The following ZNF609 variants were observed in gnomAD, a reference collection of about 807,000 sequenced individuals.
The protein encoded by ZNF609 is zinc finger protein 609.
Under a neutral mutation model 109.5 loss-of-function variants are expected in ZNF609, and 11 were observed. That is an observed-to-expected ratio of 0.10 (90% CI 0.06 to 0.17). ZNF609 has a LOEUF of 0.17. ZNF609 is among the 10% of genes least tolerant of loss of function. ZNF609 has a pLI of 1.00. For synonymous variants in ZNF609, 646 were observed against 662.0 expected, an observed-to-expected ratio of 0.98 and a Z score of 0.37; for missense variants, 1,559 against 1,772.4, an observed-to-expected ratio of 0.88 and a Z score of 2.16.
At chr15:64,666,997 A>T (rs190456477) in intron 3 of ZNF609, among the ~76,000 whole-genome samples, 86 of 152,030 alleles carry the variant, frequency 5.7e-4, no homozygotes, top group Non-Finnish European at 1.1e-3. Context: ...GGGTGTGGTG[A>T]TGTGCGCCTC....
At chr15:64,491,260 T>C (rs1388841040) in intron 1 of ZNF609, among the ~76,000 whole-genome samples, 1 of 152,180 alleles carries the variant, frequency 6.6e-6, no homozygotes, top group Non-Finnish European at 1.5e-5. Flanking sequence ...ATGCCTGTTT[T>C]TATAGTTGGG....
chr15:64,617,547 T>C (rs182383677), intron 2 of ZNF609, among the ~76,000 whole-genome samples: 2 of 151,914 alleles, frequency 1.3e-5, no homozygotes, highest in Admixed American at 6.6e-5. Context: ...TGGGATGCTG[T>C]GGCGGTTGGA....
intron 2 of ZNF609, among the ~76,000 whole-genome samples, chr15:64,621,017 ACTAGACTAAGAAGTCTATTAAAGGAC>A (rs1567031451): frequency 6.6e-6 from 1 of 152,218 alleles, no homozygotes; most frequent in Non-Finnish European, 1.5e-5. Flanking sequence ...CTATTAAAGG[ACTAGACTAAGAAGTCTATTAAAGGAC>A]CTAGACTAAG....
At chr15:64,680,396 AG>A in intron 7 of ZNF609, 36 bp downstream of exon 7, 2 of 1,607,532 alleles carry the variant, frequency 1.2e-6, no homozygotes, top group South Asian at 2.2e-5. Context: ...TGTTACCCAA[AG>A]ACTAGTAAGG....
chr15:64,548,149 A>G (rs1427739927), intron 2 of ZNF609, among the ~76,000 whole-genome samples: 1 of 152,216 alleles, frequency 6.6e-6, no homozygotes, highest in East Asian at 1.9e-4. Flanking sequence ...CCTCAACCAC[A>G]AAAGATCTAA....
At chr15:64,533,601 C>T (rs1337252678) in intron 2 of ZNF609, among the ~76,000 whole-genome samples, 1 of 152,230 alleles carries the variant, frequency 6.6e-6, no homozygotes, top group Non-Finnish European at 1.5e-5. Flanking sequence ...GTTCATCCCC[C>T]TCCTTGTGGG....
chr15:64,485,999 C>A (rs187461091), intron 1 of ZNF609, among the ~76,000 whole-genome samples: 1 of 152,114 alleles, frequency 6.6e-6, no homozygotes, highest in Non-Finnish European at 1.5e-5. Context: ...CATGTAGAGT[C>A]ATACTATTTT....
intron 3 of ZNF609, among the ~76,000 whole-genome samples, chr15:64,630,674 G>A (rs887133314): frequency 2.0e-5 from 3 of 151,290 alleles, no homozygotes; most frequent in African/African-American, 7.3e-5. Flanking sequence ...CACCGTGTTA[G>A]CCAGGCTTAT....
chr15:64,544,181 A>T (rs1196964849), intron 2 of ZNF609, among the ~76,000 whole-genome samples: 1 of 152,184 alleles, frequency 6.6e-6, no homozygotes, highest in Non-Finnish European at 1.5e-5. Flanking sequence ...TCTATTAAAA[A>T]ATACAAAAAT....
chr15:64,644,834 A>G (rs1896306735), intron 3 of ZNF609, among the ~76,000 whole-genome samples: 1 of 152,218 alleles, frequency 6.6e-6, no homozygotes, highest in African/African-American at 2.4e-5. Flanking sequence ...AAGTCACATT[A>G]TAATAAGAAG....
At chr15:64,651,112 T>C (rs1462584923) in intron 3 of ZNF609, among the ~76,000 whole-genome samples, 2 of 152,118 alleles carry the variant, frequency 1.3e-5, no homozygotes, top group African/African-American at 2.4e-5. Context: ...TAAACATATA[T>C]ATACATATAT....
chr15:64,670,628 C>A (rs1189422002), intron 4 of ZNF609, among the ~76,000 whole-genome samples, 195 bp downstream of exon 4: 2 of 150,522 alleles, frequency 1.3e-5, no homozygotes, highest in African/African-American at 4.9e-5. Flanking sequence ...CCTGTAATCC[C>A]AGCACTTTGG....
intron 1 of ZNF609, among the ~76,000 whole-genome samples, chr15:64,494,384 T>C (rs1893453769): frequency 1.3e-5 from 2 of 152,202 alleles, no homozygotes; most frequent in African/African-American, 2.4e-5. Context: ...CATTAAACAT[T>C]GTGGGTCATT....
intron 2 of ZNF609, among the ~76,000 whole-genome samples, chr15:64,539,163 C>CTTATTTAT (rs753926623): frequency 0.021 from 2,777 of 135,376 alleles, 31 homozygotes; most frequent in Middle Eastern, 0.029. Context: ...GCCACCATGC[C>CTTATTTAT]TTATTTATTT....
intron 1 of ZNF609, among the ~76,000 whole-genome samples, chr15:64,490,344 G>A (rs1461779140): frequency 2.0e-5 from 3 of 150,410 alleles, no homozygotes; most frequent in Non-Finnish European, 4.4e-5. Flanking sequence ...CACGGTCTCG[G>A]CTCACTGCAA....
chr15:64,528,293 T>C (rs1192915342), intron 2 of ZNF609, among the ~76,000 whole-genome samples: 1 of 151,746 alleles, frequency 6.6e-6, no homozygotes, highest in Non-Finnish European at 1.5e-5. Flanking sequence ...GAGATGGGGT[T>C]TCACCATATT....
chr15:64,487,479 C>A (rs534527304), intron 1 of ZNF609, among the ~76,000 whole-genome samples: 5 of 152,268 alleles, frequency 3.3e-5, no homozygotes, highest in Admixed American at 2.0e-4. Flanking sequence ...TAACCACTAT[C>A]CAGTTCAAGA....
At chr15:64,483,106 T>C (rs565171268) in intron 1 of ZNF609, among the ~76,000 whole-genome samples, 82 of 152,092 alleles carry the variant, frequency 5.4e-4, no homozygotes, top group African/African-American at 1.7e-3. Flanking sequence ...TTTTTTTTTT[T>C]CCCCCTGAGA....
chr15:64,641,886 C>A (rs978458636), intron 3 of ZNF609, among the ~76,000 whole-genome samples: 1 of 152,122 alleles, frequency 6.6e-6, no homozygotes, highest in Non-Finnish European at 1.5e-5. Flanking sequence ...TATAGATTCT[C>A]TTTGGAAGTA....
Sources: allele counts gnomAD v4.1 joint callset (sites outside exome capture counted in the v4.1 genomes callset), GRCh38; gene constraint gnomAD v4.1.1; transcripts MANE v1.5; gene names NCBI Gene and HGNC (gene_info 2026-07-23, HGNC 2026-07-21).